MTAP: variants seen among roughly 807,000 people sequenced by gnomAD.
MTAP encodes methylthioadenosine phosphorylase, also known as S-methyl-5'-thioadenosine phosphorylase.
In MTAP, 33 loss-of-function variants were observed where a neutral mutation model predicts 33.6. The ratio of observed to expected loss-of-function variants is 0.98; its 90% CI spans 0.74 to 1.31. MTAP has a LOEUF of 1.31. MTAP is among the 40% of genes most tolerant of loss of function. MTAP has a pLI of 0.00. For synonymous variants in MTAP, 148 were observed against 125.7 expected (o/e 1.18, Z -1.19); for missense variants, 367 against 360.0 (o/e 1.02, Z -0.16).
intron 1 of MTAP, among the ~76,000 whole-genome samples, chr9:21,814,429 C>T (rs1336013559): frequency 6.6e-6 from 1 of 152,158 alleles, no homozygotes; most frequent in Admixed American, 6.5e-5. Context: ...CAACAATGCT[C>T]AGGTCACTTC....
intron 1 of MTAP, among the ~76,000 whole-genome samples, chr9:21,902,615 A>G (rs1403876285): frequency 6.6e-6 from 1 of 152,186 alleles, no homozygotes; most frequent in East Asian, 1.9e-4. Context: ...TTCCCTTATG[A>G]ACTTTCTGAC....
chr9:21,828,624 G>A (rs898374362), intron 4 of MTAP, among the ~76,000 whole-genome samples: 1 of 152,084 alleles, frequency 6.6e-6, no homozygotes, highest in African/African-American at 2.4e-5. Flanking sequence ...ACAGTGAACC[G>A]AGATTGCTCC....
intron 5 of MTAP, among the ~76,000 whole-genome samples, chr9:21,842,393 A>G (rs969257772): frequency 6.6e-6 from 1 of 152,252 alleles, no homozygotes; most frequent in Non-Finnish European, 1.5e-5. Flanking sequence ...TCCAAATACA[A>G]GAAGCTCAAA....
chr9:21,939,144 C>T (rs1286243859), downstream of MTAP, among the ~76,000 whole-genome samples: 3 of 152,162 alleles, frequency 2.0e-5, no homozygotes, highest in Non-Finnish European at 2.9e-5. Flanking sequence ...TTGCTTCTTC[C>T]TCATTTCACC....
intron 4 of MTAP, among the ~76,000 whole-genome samples, chr9:21,828,170 A>G (rs1824870793): frequency 6.6e-6 from 1 of 152,176 alleles, no homozygotes; most frequent in Non-Finnish European, 1.5e-5. Context: ...AAGATCTTCT[A>G]CTATTTTTCT....
intron 4 of MTAP, among the ~76,000 whole-genome samples, chr9:21,834,087 C>G (rs1329749858): frequency 1.3e-5 from 2 of 152,166 alleles, no homozygotes; most frequent in Admixed American, 6.5e-5. Context: ...TGATTTGAGG[C>G]CCATCAATAT....
chr9:21,899,265 G>T (rs1587283960), intron 1 of MTAP, among the ~76,000 whole-genome samples: 1 of 151,444 alleles, frequency 6.6e-6, no homozygotes, highest in African/African-American at 2.4e-5. Context: ...GATAGCATTA[G>T]AAGATATACC....
chr9:21,903,471 T>C (rs1818423750), intron 1 of MTAP, among the ~76,000 whole-genome samples: 1 of 152,162 alleles, frequency 6.6e-6, no homozygotes, highest in Non-Finnish European at 1.5e-5. Context: ...CTTCTCACAT[T>C]GCTGCCATCT....
chr9:21,873,914 T>C (rs1006656173), intron 1 of MTAP, among the ~76,000 whole-genome samples: 21 of 152,110 alleles, frequency 1.4e-4, no homozygotes, highest in African/African-American at 4.8e-4. Context: ...GAGCACTTTT[T>C]TCGGAATAAA....
chr9:21,820,557 T>C (rs1475336402), intron 4 of MTAP, among the ~76,000 whole-genome samples: 1 of 152,164 alleles, frequency 6.6e-6, no homozygotes, highest in Non-Finnish European at 1.5e-5. Flanking sequence ...TGTAGTGTAG[T>C]TTGAAGTCAG....
At position 21,913,310 on chromosome 9, in the gene MTAP, T is replaced by C. The variant is rs1223860902; in HGVS notation, c.148-17698T>C. Among the ~76,000 whole-genome samples the C allele has an allele frequency of 3.9e-5, 6 of 152,158 alleles. No individual in the cohort carries two copies. In the South Asian group the frequency reaches 6.2e-4, roughly 16 times the overall value. On this transcript the variant is annotated intron_variant, in intron 1 of 1. Transcript: ENST00000577563. Reference sequence around the variant, plus strand: ...GTTCATATGGAACCAAAAAAGAGCCTGCACCGCCAAGTCAATCCTAAGCCA... The same window carrying C: ...GTTCATATGGAACCAAAAAAGAGCCCGCACCGCCAAGTCAATCCTAAGCCA...
At chr9:21,893,554 A>G (rs1818234681) in intron 1 of MTAP, 1 of 152,168 alleles carries the variant, frequency 6.6e-6, no homozygotes. Context: ...ACAATCGGAA[A>G]TGACCAAAGG....
Position 21,854,717 on chromosome 9 carries a change from C to T in MTAP, c.537C>T (p.Ser179=). The T allele has an allele frequency of 1.2e-6, 2 of 1,614,084 alleles. No individual in the cohort carries two copies. The highest frequency in any genetic ancestry group is 2.2e-5 in the South Asian group (2 of 91,082). The change falls in exon 6 of 8, where the codon TCC becomes TCT. Residue 179 remains serine (S), a synonymous_variant. Transcript: ENST00000644715. ...MVTIEGPRFS[S]RAESFMFRTW... ...CAATCGAGGGACCTCGTTTTAGCTC[C>T]CGGGCAGAAAGCTTCATGTTCCGCA...
At chr9:21,819,267 T>C (rs375652518) in intron 4 of MTAP, among the ~76,000 whole-genome samples, 10 of 152,244 alleles carry the variant, frequency 6.6e-5, no homozygotes, top group South Asian at 6.2e-4. Flanking sequence ...ATTGGGTATA[T>C]CTCCTGATGC....
At chr9:21,894,400 C>A (rs917105795) in intron 1 of MTAP, among the ~76,000 whole-genome samples, 1 of 151,736 alleles carries the variant, frequency 6.6e-6, no homozygotes, top group Admixed American at 6.6e-5. Context: ...GACGTCCTAG[C>A]CAGAGCAATA....
intron 1 of MTAP, among the ~76,000 whole-genome samples, chr9:21,903,296 C>G (rs1287295467): frequency 6.6e-6 from 1 of 152,104 alleles, no homozygotes; most frequent in African/African-American, 2.4e-5. Flanking sequence ...AACAAGTTAT[C>G]CTGAAATATA....
At chr9:21,853,537 T>C (rs1387869414) in intron 5 of MTAP, among the ~76,000 whole-genome samples, 1 of 152,250 alleles carries the variant, frequency 6.6e-6, no homozygotes, top group Non-Finnish European at 1.5e-5. Context: ...TTAATTTGTT[T>C]ATGTGATGAA....
intron 1 of MTAP, among the ~76,000 whole-genome samples, chr9:21,906,409 G>C (rs1267899808): frequency 6.6e-6 from 1 of 152,184 alleles, no homozygotes; most frequent in East Asian, 1.9e-4. Context: ...GAGAGAATTT[G>C]TTAACTGGAT....
At position 21,864,264 on chromosome 9, in the gene MTAP, C is replaced by T. The variant is rs1298906792; in HGVS notation, c.*2250C>T. 2 of 985,196 alleles carry T rather than the reference C, an allele frequency of 2.0e-6. No homozygotes were observed. Among genetic ancestry groups the T allele is most frequent in the African/African-American group, 3.5e-5 (2 of 57,226 alleles). 61.0% of individuals were successfully genotyped at this position (985,196 alleles called of 1,614,324 possible). A position where few individuals can be genotyped will look rare whatever the true frequency, so the allele number is the denominator to read the frequency against. On this transcript the variant is annotated 3_prime_UTR_variant, in exon 8 of 8. Transcript: ENST00000644715. The stretch of plus-strand genomic sequence containing the variant: ...TCAATCATTCACTCCTTATGCAAAG[C>T]CAATATAATTTTCCTCATACCTTAT...
Sources: allele counts gnomAD v4.1 joint callset (sites outside exome capture counted in the v4.1 genomes callset), GRCh38; gene constraint gnomAD v4.1.1; transcripts MANE v1.5; gene names NCBI Gene and HGNC (gene_info 2026-07-23, HGNC 2026-07-21).